Variants in DPP10 observed in about 807,000 individuals in gnomAD.
DPP10 encodes the protein inactive dipeptidyl peptidase 10.
In DPP10, 33 loss-of-function variants were observed where a neutral mutation model predicts 120.9. The ratio of observed to expected loss-of-function variants is 0.27; its 90% confidence interval spans 0.21 to 0.37. The LOEUF (loss-of-function observed/expected upper bound fraction) is 0.37, where lower values mean the gene tolerates loss of function less well. Among genes scored for constraint, DPP10 ranks in the 10% least tolerant of loss-of-function variants. DPP10 has a pLI of 1.00. For synonymous variants in DPP10, 337 were observed against 326.1 expected, an observed-to-expected ratio of 1.03 and a Z score of -0.36; for missense variants, 816 against 942.8, an observed-to-expected ratio of 0.87 and a Z score of 1.76.
At chr2:115,735,026 G>T (rs1413984687) in intron 8 of DPP10, among the ~76,000 whole-genome samples, 1 of 152,184 alleles carries the variant, frequency 6.6e-6, no homozygotes, top group Non-Finnish European at 1.5e-5. Context: ...TACAGAAATA[G>T]AAGCAGTGGC....
At chr2:115,772,247 A>G (rs1203209892) in intron 13 of DPP10, among the ~76,000 whole-genome samples, 1 of 152,206 alleles carries the variant, frequency 6.6e-6, no homozygotes. Flanking sequence ...CTGGATGTGC[A>G]TCAATAACCA....
At chr2:115,561,269 G>A (rs1430153434) in intron 5 of DPP10, among the ~76,000 whole-genome samples, 1 of 137,734 alleles carries the variant, frequency 7.3e-6, no homozygotes, top group Admixed American at 8.2e-5. Context: ...TGAGACAGGA[G>A]AATTGCTTGA....
At chr2:115,548,787 A>G (rs889108747) in intron 5 of DPP10, among the ~76,000 whole-genome samples, 2 of 152,142 alleles carry the variant, frequency 1.3e-5, no homozygotes, top group Non-Finnish European at 2.9e-5. Context: ...TGAAAATAGC[A>G]TTCGCCTCCA....
In DPP10 at chr2:115,082,543, A is replaced by G. The variant is rs553689287; in HGVS notation, c.61-226696A>G. On this transcript the variant is annotated intron_variant, in intron 1 of 25. Coordinates refer to ENST00000410059, the MANE Select transcript of DPP10 (RefSeq NM_020868.6). ...ACCCTTTCATTCTGGACTGCTTTGC[A>G]TATTACTTGGTTAATACAATGCTAC... Among the ~76,000 whole-genome samples, 225 of 152,226 alleles carry G rather than the reference A, an allele frequency of 1.5e-3. 2 individuals carry two copies. Among genetic ancestry groups the G allele is most frequent in the Non-Finnish European group, 7.9e-4 (54 of 68,040 alleles).
intron 3 of DPP10, among the ~76,000 whole-genome samples, chr2:115,380,763 C>G (rs1414722989): frequency 2.0e-5 from 3 of 152,098 alleles, no homozygotes; most frequent in Non-Finnish European, 4.4e-5. Flanking sequence ...GACAAAATCT[C>G]TCAGCATTTG....
At chr2:114,605,037 G>T (rs571730993) in intron 1 of DPP10, among the ~76,000 whole-genome samples, 34 of 152,162 alleles carry the variant, frequency 2.2e-4, no homozygotes, top group African/African-American at 7.9e-4. Flanking sequence ...TTCATGGAAA[G>T]AATAATCATA....
intron 1 of DPP10, among the ~76,000 whole-genome samples, chr2:114,977,804 T>A (rs1298995961): frequency 6.6e-6 from 1 of 152,166 alleles, no homozygotes; most frequent in Non-Finnish European, 1.5e-5. Flanking sequence ...TAACTCCTCT[T>A]CTTTCCTCGA....
chr2:115,088,021 G>C (rs1573563182), intron 1 of DPP10, among the ~76,000 whole-genome samples: 1 of 152,124 alleles, frequency 6.6e-6, no homozygotes, highest in South Asian at 2.1e-4. Flanking sequence ...TAAGATGAAG[G>C]CTCCAGAAAA....
At chr2:115,486,690 A>G (rs918702796) in intron 3 of DPP10, among the ~76,000 whole-genome samples, 2 of 152,166 alleles carry the variant, frequency 1.3e-5, no homozygotes, top group African/African-American at 4.8e-5. Context: ...TTATGCTACT[A>G]TTCTGCAAAC....
chr2:115,560,282 A>G (rs572580527), intron 5 of DPP10, among the ~76,000 whole-genome samples: 101 of 140,880 alleles, frequency 7.2e-4, no homozygotes, highest in Non-Finnish European at 1.4e-3. Flanking sequence ...GAGGCAGGAG[A>G]ATGGCGTGAA....
At chr2:115,687,690 TC>T (rs2091074929) in intron 5 of DPP10, among the ~76,000 whole-genome samples, 1 of 149,174 alleles carries the variant, frequency 6.7e-6, no homozygotes, top group Non-Finnish European at 1.5e-5. Flanking sequence ...ATTTATATAT[TC>T]CCTTCTCCAA....
At chr2:114,872,537 G>A (rs537803705) in intron 1 of DPP10, among the ~76,000 whole-genome samples, 3 of 152,156 alleles carry the variant, frequency 2.0e-5, no homozygotes, top group Non-Finnish European at 2.9e-5. Flanking sequence ...GCCCCTGGTG[G>A]CAGGCTTTAT....
intron 21 of DPP10, among the ~76,000 whole-genome samples, chr2:115,821,825 A>G (rs1244386887): frequency 2.0e-5 from 3 of 151,882 alleles, no homozygotes; most frequent in South Asian, 4.1e-4. Flanking sequence ...GTGTATAGTT[A>G]TTATAAACGT....
At chr2:115,622,829 C>CTTTTTTTTTTT (rs765780452) in intron 5 of DPP10, among the ~76,000 whole-genome samples, 1 of 128,338 alleles carries the variant, frequency 7.8e-6, no homozygotes, top group African/African-American at 2.9e-5. Flanking sequence ...TTCGTTTATT[C>CTTTTTTTTTTT]TTTTTTTTTT....
At chr2:115,429,647 G>T (rs981137833) in intron 3 of DPP10, among the ~76,000 whole-genome samples, 3 of 152,100 alleles carry the variant, frequency 2.0e-5, no homozygotes, top group African/African-American at 7.2e-5. Context: ...CTAAGTGAAT[G>T]GCTTATATGT....
chr2:114,637,282 A>T (rs1428787621), intron 1 of DPP10, among the ~76,000 whole-genome samples: 1 of 151,936 alleles, frequency 6.6e-6, no homozygotes, highest in Non-Finnish European at 1.5e-5. Flanking sequence ...AGGGATTTTC[A>T]TTCAGGATAA....
intron 3 of DPP10, among the ~76,000 whole-genome samples, chr2:115,489,328 C>T (rs964887197): frequency 1.3e-5 from 2 of 151,532 alleles, no homozygotes; most frequent in Non-Finnish European, 2.9e-5. Context: ...AAAAATAAAA[C>T]CCTAAGGCCC....
At chr2:115,812,113 CTG>C (rs1686709978) in intron 19 of DPP10, among the ~76,000 whole-genome samples, 1 of 152,154 alleles carries the variant, frequency 6.6e-6, no homozygotes, top group African/African-American at 2.4e-5. Context: ...TAGACACAGA[CTG>C]AGTCCTAGTG....
At chr2:115,415,617 T>TATCA (rs1234152510) in intron 3 of DPP10, among the ~76,000 whole-genome samples, 4 of 152,020 alleles carry the variant, frequency 2.6e-5, no homozygotes, top group African/African-American at 9.7e-5. Flanking sequence ...CCAAGATTTC[T>TATCA]ATCAACTGCA....
Sources: gnomAD v4.1 joint callset for allele counts (sites outside exome capture counted in the v4.1 genomes callset) on GRCh38, gnomAD v4.1.1 for gene constraint, MANE v1.5 for transcripts, NCBI Gene and HGNC (gene_info 2026-07-23, HGNC 2026-07-21) for gene names.